Variants in DCC observed in about 807,000 individuals in gnomAD.
DCC encodes the protein netrin receptor DCC.
Under a neutral mutation model 172.5 loss-of-function variants are expected in DCC, and 58 were observed. The observed-to-expected ratio is 0.34, with a 90% CI of 0.27 to 0.42. The LOEUF (loss-of-function observed/expected upper bound fraction) is 0.42. Among genes scored for constraint, DCC ranks in the 10% least tolerant of loss-of-function variants. DCC has a pLI of 1.00. For synonymous variants in DCC, 709 were observed against 644.5 expected (o/e 1.10, Z -1.52); for missense variants, 1,740 against 1,791.0 (o/e 0.97, Z 0.51).
intron 26 of DCC, among the ~76,000 whole-genome samples, chr18:53,488,874 T>C (rs572320797): frequency 1.3e-5 from 2 of 152,172 alleles, no homozygotes; most frequent in African/African-American, 4.8e-5. Flanking sequence ...AATTAATTGA[T>C]TGGGCCAGGC....
At chr18:52,598,266 T>C (rs1027476008) in intron 1 of DCC, among the ~76,000 whole-genome samples, 2 of 152,182 alleles carry the variant, frequency 1.3e-5, no homozygotes, top group Non-Finnish European at 2.9e-5. Context: ...AGAGAATAAA[T>C]AAGAGAGACC....
chr18:53,242,871 G>GGTGTGTGTGTGTGTGTGTGT (rs3059140), intron 12 of DCC, among the ~76,000 whole-genome samples: 2 of 148,434 alleles, frequency 1.3e-5, no homozygotes, highest in African/African-American at 4.9e-5. Flanking sequence ...ATGACAAGTA[G>GGTGTGTGTGTGTGTGTGTGT]GTGTGTGTGT....
At chr18:52,350,720 C>T (rs1336830788) in intron 1 of DCC, among the ~76,000 whole-genome samples, 1 of 152,080 alleles carries the variant, frequency 6.6e-6, no homozygotes, top group African/African-American at 2.4e-5. Context: ...AGAGCCAATT[C>T]ATTCATCCTT....
chr18:52,394,525 C>T (rs1462849987), intron 1 of DCC, among the ~76,000 whole-genome samples: 1 of 151,904 alleles, frequency 6.6e-6, no homozygotes, highest in East Asian at 1.9e-4. Context: ...GATCCTCCTG[C>T]CTTGGCCTCC....
chr18:53,077,440 T>C (rs1036185191), intron 7 of DCC, among the ~76,000 whole-genome samples: 1 of 152,096 alleles, frequency 6.6e-6, no homozygotes, highest in Non-Finnish European at 1.5e-5. Context: ...AGTTGTACAA[T>C]AGTGATTGAA....
intron 12 of DCC, among the ~76,000 whole-genome samples, chr18:53,250,043 T>A (rs1325698118): frequency 6.6e-6 from 1 of 151,980 alleles, no homozygotes; most frequent in Non-Finnish European, 1.5e-5. Context: ...GTTCAGATAC[T>A]CTATGATGTT....
chr18:52,715,776 A>G (rs2036370389), intron 1 of DCC, among the ~76,000 whole-genome samples: 1 of 152,006 alleles, frequency 6.6e-6, no homozygotes. Flanking sequence ...TCAATCTACC[A>G]TCCTCTTCCC....
chr18:53,073,770 G>A (rs2042687294), intron 7 of DCC, among the ~76,000 whole-genome samples: 1 of 151,852 alleles, frequency 6.6e-6, no homozygotes, highest in Admixed American at 6.6e-5. Flanking sequence ...GAATTCAGAA[G>A]AGTCAATCAT....
chr18:53,468,371 ATTTATTTAT>A (rs1269286111), intron 25 of DCC, among the ~76,000 whole-genome samples: 5 of 133,682 alleles, frequency 3.7e-5, no homozygotes, highest in African/African-American at 1.4e-4. Flanking sequence ...TATTTTATTT[ATTTATTTAT>A]TTTATTTATT....
intron 2 of DCC, among the ~76,000 whole-genome samples, chr18:52,844,918 T>C (rs1411673099): frequency 2.0e-5 from 3 of 152,210 alleles, no homozygotes; most frequent in African/African-American, 2.4e-5. Flanking sequence ...ATAGTCAGTA[T>C]AGTCCATGAA....
At chr18:53,026,627 C>T (rs1454892213) in intron 5 of DCC, among the ~76,000 whole-genome samples, 1 of 152,096 alleles carries the variant, frequency 6.6e-6, no homozygotes, top group African/African-American at 2.4e-5. Context: ...GCAATCATAG[C>T]TCTCTGCATC....
chr18:53,063,175 G>A (rs1329924212), intron 5 of DCC, 130 bp from the exon 6 acceptor site: 9 of 928,224 alleles, frequency 9.7e-6, no homozygotes, highest in East Asian at 2.4e-5. Context: ...TAAGCTAAGA[G>A]CTTAGGGAAT....
chr18:52,562,884 C>A (rs2033070841), intron 1 of DCC, among the ~76,000 whole-genome samples: 1 of 152,070 alleles, frequency 6.6e-6, no homozygotes, highest in African/African-American at 2.4e-5. Context: ...TCTGCCTCAG[C>A]CCCCTAAAGT....
chr18:52,830,390 T>C (rs965971), intron 2 of DCC, among the ~76,000 whole-genome samples: 127,858 of 152,136 alleles, frequency 0.84, 53,951 homozygotes, highest in East Asian at 0.9. Context: ...AGATTGGATA[T>C]CCCTGGAAAG....
intron 1 of DCC, among the ~76,000 whole-genome samples, chr18:52,569,297 A>G (rs1335769159): frequency 6.6e-6 from 1 of 152,212 alleles, no homozygotes; most frequent in Non-Finnish European, 1.5e-5. Context: ...ATTTGCACAA[A>G]TTATTCAACT....
At chr18:52,814,248 C>A (rs976317419) in intron 2 of DCC, among the ~76,000 whole-genome samples, 1 of 152,140 alleles carries the variant, frequency 6.6e-6, no homozygotes, top group Admixed American at 6.5e-5. Context: ...AAGGAACAAA[C>A]AAAATATTGG....
intron 1 of DCC, among the ~76,000 whole-genome samples, chr18:52,519,902 A>G (rs1144055): frequency 6.6e-6 from 1 of 151,956 alleles, no homozygotes; most frequent in Non-Finnish European, 1.5e-5. Context: ...AAAAAGATGG[A>G]CTGGAGGACA....
intron 1 of DCC, among the ~76,000 whole-genome samples, chr18:52,506,105 G>A (rs538598310): frequency 4.3e-4 from 66 of 152,206 alleles, no homozygotes; most frequent in African/African-American, 1.5e-3. Flanking sequence ...CATAGGAAAA[G>A]TATTAGGGTA....
At chr18:53,026,138 G>A (rs2041952493) in intron 5 of DCC, among the ~76,000 whole-genome samples, 1 of 151,714 alleles carries the variant, frequency 6.6e-6, no homozygotes, top group Non-Finnish European at 1.5e-5. Context: ...ATAAGTCTAT[G>A]GAGAATTTTT....
Sources: gnomAD v4.1 joint callset for allele counts (sites outside exome capture counted in the v4.1 genomes callset) on GRCh38, gnomAD v4.1.1 for gene constraint, MANE v1.5 for transcripts, NCBI Gene and HGNC (gene_info 2026-07-23, HGNC 2026-07-21) for gene names.